Variants in XYLT2 observed in about 807,000 individuals in gnomAD.
The protein encoded by XYLT2 is UDP-D-xylose:proteoglycan core protein beta-D-xylosyltransferase.
XYLT2 carries 37 observed loss-of-function variants against 82.6 expected under a neutral mutation model. The ratio of observed to expected loss-of-function variants is 0.45; its 90% CI spans 0.34 to 0.59. The LOEUF is 0.59. XYLT2 is among the 20% of genes least tolerant of loss of function. The probability of loss-of-function intolerance (pLI) is 0.01; values close to 1 mark genes in which losing one functional copy is unlikely to be tolerated. For synonymous variants in XYLT2, 474 were observed against 499.0 expected (o/e 0.95, Z 0.67); for missense variants, 934 against 1,181.3 (o/e 0.79, Z 3.07).
intron 1 of XYLT2, among the ~76,000 whole-genome samples, chr17:50,349,171 T>A (rs1160369965): frequency 6.6e-6 from 1 of 152,196 alleles, no homozygotes; most frequent in Non-Finnish European, 1.5e-5. Context: ...ACCAGCTTCC[T>A]AACTCACTGA....
chr17:50,347,088 C>G (rs189185396), intron 1 of XYLT2, among the ~76,000 whole-genome samples: 1 of 152,154 alleles, frequency 6.6e-6, no homozygotes, highest in South Asian at 2.1e-4. Flanking sequence ...CCCTCTTCCC[C>G]GATGTGGTTT....
intron 1 of XYLT2, among the ~76,000 whole-genome samples, chr17:50,349,018 C>T (rs916740555): frequency 1.3e-5 from 2 of 152,230 alleles, no homozygotes; most frequent in Non-Finnish European, 2.9e-5. Flanking sequence ...GCTGCCTCCT[C>T]ATCCCCCAGC....
At chr17:50,352,912 G>A (rs973114064) in intron 1 of XYLT2, among the ~76,000 whole-genome samples, 4 of 152,180 alleles carry the variant, frequency 2.6e-5, no homozygotes, top group Non-Finnish European at 4.4e-5. Context: ...ACTTCCTCGA[G>A]GCTGTGCTGG....
intron 9 of XYLT2, 71 bp from the exon 10 acceptor site, chr17:50,358,132 CAGTG>C: frequency 2.2e-6 from 3 of 1,344,250 alleles, no homozygotes; most frequent in South Asian, 2.9e-5. Context: ...TGAGATTACA[CAGTG>C]AGAGGCAGCT....
rs145067932 is a variant in XYLT2, at chr17:50,360,045, C to T, written c.2352C>T (p.Ile784=). The part of the protein sequence containing the change: ...MEQSFQGLSS[I]LNLPQPELAE... ...AGAGTTTCCAGGGCCTGAGTAGCAT[C>T]CTGAACCTGCCTCAGCCGGAGCTCG... The change falls in exon 11 of 11, where the codon ATC becomes ATT. Residue 784 remains isoleucine, a synonymous_variant. Coordinates refer to ENST00000017003, the MANE Select transcript of XYLT2 (RefSeq NM_022167.4). The T allele has an allele frequency of 1.5e-5, 24 of 1,613,970 alleles. No individual in the cohort carries two copies. The African/African-American group carries it at 2.9e-4, about 20-fold the overall frequency.
At chr17:50,357,494 C>T in intron 9 of XYLT2, 1 of 462,192 alleles carries the variant, frequency 2.2e-6, no homozygotes, top group Non-Finnish European at 3.8e-6. Flanking sequence ...TCCACTACAA[C>T]ACAAGCCCAA....
At chr17:50,358,070 C>T (rs1912627173) in intron 9 of XYLT2, 137 bp from the exon 10 acceptor site, 2 of 770,504 alleles carry the variant, frequency 2.6e-6, no homozygotes, top group South Asian at 1.9e-5. Flanking sequence ...AGTCTGACCC[C>T]TTCATTTTGC....
In XYLT2 at chr17:50,356,238, C is replaced by A. The variant is rs765934944; in HGVS notation, c.1459C>A (p.Pro487Thr). The A allele has an allele frequency of 1.2e-6, 2 of 1,613,858 alleles. No individual in the cohort carries two copies. Among genetic ancestry groups the A allele is most frequent in the African/African-American group, 1.3e-5 (1 of 75,058 alleles). ...WCGCSPNDFK[P>T]QDFLRLQQVS... ...TGGCTGCTCCCCCAACGACTTCAAG[C>A]CACAGGACTTCCTCCGGCTGCAGGT... is the stretch of plus-strand genomic sequence containing the variant. The change falls in exon 7 of 11, where the codon CCA becomes ACA. Residue 487 changes from proline to threonine, a missense_variant. This residue lies in a region of XYLT2 where 189 missense variants were observed against 320.8 expected (regional missense o/e 0.59). Coordinates refer to ENST00000017003, the MANE Select transcript of XYLT2 (RefSeq NM_022167.4).
intron 9 of XYLT2, chr17:50,357,628 C>T (rs1348107228): frequency 1.1e-5 from 2 of 176,498 alleles, no homozygotes; most frequent in Admixed American, 1.3e-4. Flanking sequence ...CTCACTCTGT[C>T]GCAGTGGCAC....
chr17:50,358,082 G>C, intron 9 of XYLT2, 125 bp from the exon 10 acceptor site: 4 of 856,970 alleles, frequency 4.7e-6, no homozygotes, highest in Non-Finnish European at 7.1e-6. Flanking sequence ...TCATTTTGCA[G>C]ATGGGGAAAC....
At chr17:50,347,017 G>A (rs575671532) in intron 1 of XYLT2, 5 of 831,600 alleles carry the variant, frequency 6.0e-6, no homozygotes, top group Non-Finnish European at 7.3e-6. Context: ...AGCCCCAGCC[G>A]CAGAGCAGGG....
In XYLT2 at chr17:50,356,782, C is replaced by G. The variant is rs747829997; in HGVS notation, c.1745+9C>G. On this transcript the variant is annotated intron_variant, in intron 8 of 10. Transcript: ENST00000017003. Reference sequence around the variant, plus strand: ...GGCACCCCACTCTGCAGGTGAGACCCCCTTCTGACATACAGCAGGCCCTTG... The same window carrying G: ...GGCACCCCACTCTGCAGGTGAGACCGCCTTCTGACATACAGCAGGCCCTTG... The G allele has an allele frequency of 2.4e-5, 38 of 1,596,898 alleles. No homozygotes were observed. The East Asian group carries it at 8.3e-4, about 35-fold the overall frequency.
At chr17:50,354,290 C>T in intron 2 of XYLT2, 118 bp from the exon 3 acceptor site, 1 of 1,488,570 alleles carries the variant, frequency 6.7e-7, no homozygotes, top group Non-Finnish European at 8.9e-7. Flanking sequence ...AGTGGGGACC[C>T]ACGAGCATGG....
intron 1 of XYLT2, among the ~76,000 whole-genome samples, chr17:50,351,346 A>ATGAC (rs1161977049): frequency 6.6e-6 from 1 of 152,060 alleles, no homozygotes; most frequent in East Asian, 1.9e-4. Flanking sequence ...AGAGTCAAAG[A>ATGAC]TGACTCCTGG....
chr17:50,357,286 C>T, intron 9 of XYLT2, 34 bp downstream of exon 9: 6 of 1,521,748 alleles, frequency 3.9e-6, no homozygotes, highest in Non-Finnish European at 5.3e-6. Flanking sequence ...TTCTCCCAAC[C>T]CCCACCCAGA....
chr17:50,352,334 C>T (rs1912308582), intron 1 of XYLT2, among the ~76,000 whole-genome samples: 1 of 152,198 alleles, frequency 6.6e-6, no homozygotes, highest in Non-Finnish European at 1.5e-5. Flanking sequence ...CCCTGTTCCT[C>T]CGTCCATTCT....
chr17:50,356,243 G>A lies in XYLT2; in HGVS notation c.1464G>A (p.Gln488=), dbSNP rs776772966. The A allele has an allele frequency of 5.6e-5, 90 of 1,613,608 alleles. No homozygotes were observed. The highest frequency in any genetic ancestry group is 7.4e-5 in the Non-Finnish European group (87 of 1,179,630). The change falls in exon 7 of 11, where the codon CAG becomes CAA. Residue 488 remains glutamine (Q), a synonymous_variant. Transcript: ENST00000017003. ...GCTCCCCCAACGACTTCAAGCCACAGGACTTCCTCCGGCTGCAGGTGCTTG... is the reference window on the plus strand; with the variant it reads ...GCTCCCCCAACGACTTCAAGCCACAAGACTTCCTCCGGCTGCAGGTGCTTG... ...CGCSPNDFKP[Q]DFLRLQQVSR... is the part of the protein sequence containing the mutation.
intron 3 of XYLT2, 91 bp downstream of exon 3, chr17:50,354,674 T>C: frequency 2.9e-6 from 4 of 1,389,662 alleles, no homozygotes; most frequent in Non-Finnish European, 3.7e-6. Flanking sequence ...CTGGCCCAGG[T>C]AGCCTAGGAG....
Position 50,351,918 on chromosome 17 carries a change from G to A in XYLT2, c.136-1712G>A, listed in dbSNP as rs114591480. ...CCAGAGACTGAAAGTCACTTAGGAA[G>A]TGAAGGTGCTAGGACAGGAAGGGCC... is the stretch of plus-strand genomic sequence containing the variant. On this transcript the variant is annotated intron_variant, in intron 1 of 10. Transcript: ENST00000017003. 3.4e-3 allele frequency among the ~76,000 whole-genome samples: 513 copies of A among 152,288 alleles called. 6 individuals are homozygous for A. Among genetic ancestry groups the A allele is most frequent in the African/African-American group, 0.011 (470 of 41,552 alleles).
Sources: allele counts gnomAD v4.1 joint callset (sites outside exome capture counted in the v4.1 genomes callset), GRCh38; gene constraint gnomAD v4.1.1; regional missense constraint gnomAD v4.1.1; transcripts MANE v1.5; gene names NCBI Gene and HGNC (gene_info 2026-07-23, HGNC 2026-07-21).